RAP1GAP2: variants seen among roughly 807,000 people sequenced by gnomAD.
The protein encoded by RAP1GAP2 is RAP1 GTPase activating protein 2, also known as rap1 GTPase-activating protein 2.
In RAP1GAP2, 27 loss-of-function variants were observed where a neutral mutation model predicts 95.0. The ratio of observed to expected loss-of-function variants is 0.28; its 90% CI spans 0.21 to 0.39. The LOEUF is 0.39. Among genes scored for constraint, RAP1GAP2 ranks in the 10% least tolerant of loss-of-function variants. The pLI is 1.00. For synonymous variants in RAP1GAP2, 373 were observed against 380.9 expected (o/e 0.98, Z 0.24); for missense variants, 771 against 970.0 (o/e 0.79, Z 2.72).
At chr17:2,953,601 C>G (rs1016949214) in intron 3 of RAP1GAP2, among the ~76,000 whole-genome samples, 2 of 152,202 alleles carry the variant, frequency 1.3e-5, no homozygotes, top group African/African-American at 4.8e-5. Context: ...CATCCCAGCA[C>G]TTCGGGAGGC....
chr17:2,869,285 G>A (rs570078553), intron 2 of RAP1GAP2, among the ~76,000 whole-genome samples: 1 of 152,128 alleles, frequency 6.6e-6, no homozygotes, highest in African/African-American at 2.4e-5. Flanking sequence ...GTAGAATAGA[G>A]GTTGCCAGGT....
chr17:2,787,254 G>GTTTTTTTT (rs1186389658), intron 1 of RAP1GAP2, among the ~76,000 whole-genome samples: 1 of 134,288 alleles, frequency 7.4e-6, no homozygotes, highest in Admixed American at 7.4e-5. Flanking sequence ...CCCAGCTTTG[G>GTTTTTTTT]TTTTTTTTTT....
intron 2 of RAP1GAP2, among the ~76,000 whole-genome samples, chr17:2,877,842 C>T (rs1301446653): frequency 3.3e-5 from 5 of 152,114 alleles, no homozygotes; most frequent in Admixed American, 1.3e-4. Context: ...ATAGGGGGCT[C>T]ATATGATCAG....
rs1015591389 is a variant in RAP1GAP2, at chr17:3,001,579, G to C, written c.1200+3203G>C. Among the ~76,000 whole-genome samples the C allele has an allele frequency of 4.2e-5, 6 of 143,292 alleles. 1 individual carries two copies. Among genetic ancestry groups the C allele is most frequent in the African/African-American group, 1.7e-4 (6 of 35,900 alleles). 94.0% of individuals were successfully genotyped at this position (143,292 alleles called of 152,430 possible). A position where few individuals can be genotyped will look rare whatever the true frequency, so the allele number is the denominator to read the frequency against. On this transcript the variant is annotated intron_variant, in intron 14 of 24. Transcript: ENST00000254695. Reference sequence around the variant, plus strand: ...CAAGCACCAGGCTGAAGTGAGGCTCGTGGAGGTAACAAGATCAGCCTCAGG... The same window carrying C: ...CAAGCACCAGGCTGAAGTGAGGCTCCTGGAGGTAACAAGATCAGCCTCAGG...
At position 2,858,497 on chromosome 17, in the gene RAP1GAP2, G is replaced by A. The variant is rs1399982321; in HGVS notation, c.81-46787G>A. On this transcript the variant is annotated intron_variant, in intron 2 of 24. Transcript: ENST00000254695. ...CTACTTTCAGCCATTATCAACTTAC[G>A]GCCCCAATCTTGTTTCATTTATGTA... Among the ~76,000 whole-genome samples the A allele has an allele frequency of 3.3e-5, 5 of 152,004 alleles. No homozygotes were observed. In the East Asian group the frequency reaches 7.7e-4, roughly 23 times the overall value.
rs866072683 is a variant in RAP1GAP2 at position 2,932,604 on chromosome 17, A to G, written c.166-25155A>G. Reference sequence around the variant, plus strand: ...CATCTCAAAAAAAAAAAAAAAAAAAAGAGGAGCTCGAGACCAGCCTGACCA... The same window carrying G: ...CATCTCAAAAAAAAAAAAAAAAAAAGGAGGAGCTCGAGACCAGCCTGACCA... On this transcript the variant is annotated intron_variant, in intron 3 of 24. Transcript: ENST00000254695. Among the ~76,000 whole-genome samples, 149 of 148,438 alleles carry G rather than the reference A, an allele frequency of 1.0e-3. 1 individual carries two copies. Among genetic ancestry groups the G allele is most frequent in the African/African-American group, 3.6e-3 (146 of 40,410 alleles).
upstream of RAP1GAP2, among the ~76,000 whole-genome samples, chr17:2,794,739 C>T (rs2069020976): frequency 6.6e-6 from 1 of 152,198 alleles, no homozygotes; most frequent in Non-Finnish European, 1.5e-5. Flanking sequence ...CGTCCACAAG[C>T]TGGGGTTGGC....
chr17:2,989,104 T>C (rs2045663320), intron 11 of RAP1GAP2, among the ~76,000 whole-genome samples: 2 of 149,912 alleles, frequency 1.3e-5, no homozygotes, highest in Non-Finnish European at 1.5e-5. Flanking sequence ...AAAAAAAAAC[T>C]GCCAAACAGT....
intron 1 of RAP1GAP2, among the ~76,000 whole-genome samples, chr17:2,788,293 G>T (rs903754242): frequency 2.6e-5 from 4 of 151,838 alleles, no homozygotes; most frequent in South Asian, 2.1e-4. Flanking sequence ...ATTTTGTGGG[G>T]TTTTTTTGTT....
intron 2 of RAP1GAP2, among the ~76,000 whole-genome samples, chr17:2,893,501 T>C (rs2073786066): frequency 6.6e-6 from 1 of 152,250 alleles, no homozygotes; most frequent in Non-Finnish European, 1.5e-5. Flanking sequence ...TGAAACATGA[T>C]TTTTTATTGT....
chr17:2,883,207 G>A (rs1362522430), intron 2 of RAP1GAP2, among the ~76,000 whole-genome samples: 2 of 152,228 alleles, frequency 1.3e-5, no homozygotes, highest in Non-Finnish European at 2.9e-5. Flanking sequence ...TGGGAGGGGC[G>A]CATTTGAGGG....
chr17:3,005,829 G>T lies in RAP1GAP2; in HGVS notation c.1273-126G>T. ...GCTTGGCCTGGGCTAGAAATGATCC[G>T]CTGTCGGAAGGGACTTTTCAGGGGT... is the stretch of plus-strand genomic sequence containing the variant. On this transcript the variant is annotated intron_variant, in intron 15 of 24. Transcript: ENST00000254695. The surrounding 1 kb of genome is among the most constrained non-coding windows in gnomAD (Gnocchi z 5.2). 1.1e-6 allele frequency: 1 copy of T among 884,176 alleles called. No individual in the cohort carries two copies. The highest frequency in any genetic ancestry group is 1.9e-6 in the Non-Finnish European group (1 of 534,770). 54.8% of individuals were successfully genotyped at this position (884,176 alleles called of 1,614,324 possible). A position where few individuals can be genotyped will look rare whatever the true frequency, so the allele number is the denominator to read the frequency against.
intron 23 of RAP1GAP2, 51 bp downstream of exon 23, chr17:3,031,049 C>G: frequency 6.7e-7 from 1 of 1,501,556 alleles, no homozygotes; most frequent in Non-Finnish European, 9.1e-7. Flanking sequence ...AGAGGCCCAG[C>G]CTTCCTTCCT....
At position 2,836,000 on chromosome 17, in the gene RAP1GAP2, CCACTGGCGGGGTGTGTTGGTGCATCTGG is replaced by C. The variant is rs1445393556; in HGVS notation, c.80+35479_80+35506del. ...CTGTGCGCAGACCGCCCCCAGCCAG[CCACTGGCGGGGTGTGTTGGTGCATCTGG>C]CACTGGCGGGGTGTGTTGGTGCATC... On this transcript the variant is annotated intron_variant, in intron 2 of 24. Coordinates refer to ENST00000254695, the MANE Select transcript of RAP1GAP2 (RefSeq NM_015085.5). 1.3e-3 allele frequency among the ~76,000 whole-genome samples: 202 copies of C among 152,224 alleles called. 2 individuals are homozygous for C. The highest frequency in any genetic ancestry group is 4.4e-3 in the African/African-American group (183 of 41,544).
intron 14 of RAP1GAP2, among the ~76,000 whole-genome samples, 183 bp downstream of exon 14, chr17:2,998,559 C>A (rs531352506): frequency 1.3e-5 from 2 of 152,246 alleles, no homozygotes; most frequent in Non-Finnish European, 2.9e-5. Flanking sequence ...ATCCCCCTTG[C>A]TGCCTCCGGG....
rs1332026454 is a variant in RAP1GAP2, at chr17:2,832,324, C to G, written c.80+31774C>G. Among the ~76,000 whole-genome samples the G allele has an allele frequency of 2.6e-5, 4 of 151,470 alleles. No individual in the cohort carries two copies. In the East Asian group the frequency reaches 7.8e-4, roughly 30 times the overall value. ...CTGTAATCCCAGCACTTTGGGAGGC[C>G]AAGGTGGGTGGATCACGAGGTCAGG... On this transcript the variant is annotated intron_variant, in intron 2 of 24. Transcript: ENST00000254695.
chr17:2,866,853 G>A lies in RAP1GAP2; in HGVS notation c.81-38431G>A, dbSNP rs763407270. ...GGCCTCAAGCGATCTGCCTGTCTTG[G>A]CCTCCCAAAGTGCTGGGATTACAGG... On this transcript the variant is annotated intron_variant, in intron 2 of 24. Transcript: ENST00000254695. The surrounding 1 kb of genome is among the most constrained non-coding windows in gnomAD (Gnocchi z 4.0). Among the ~76,000 whole-genome samples, 3 of 150,872 alleles carry A rather than the reference G, an allele frequency of 2.0e-5. No individual in the cohort carries two copies. The highest frequency in any genetic ancestry group is 4.4e-5 in the Non-Finnish European group (3 of 67,872).
At chr17:2,836,956 G>A (rs182923959) in intron 2 of RAP1GAP2, among the ~76,000 whole-genome samples, 5 of 152,194 alleles carry the variant, frequency 3.3e-5, no homozygotes, top group African/African-American at 1.2e-4. Context: ...GGTGAATAGA[G>A]TACATGAATT....
At chr17:2,853,487 T>G (rs2071974439) in intron 2 of RAP1GAP2, among the ~76,000 whole-genome samples, 1 of 140,696 alleles carries the variant, frequency 7.1e-6, no homozygotes, top group African/African-American at 2.7e-5. Flanking sequence ...CCGGCGGGAG[T>G]GCGGGCGGGG....
Sources: gnomAD v4.1 joint callset for allele counts (sites outside exome capture counted in the v4.1 genomes callset) on GRCh38, gnomAD v4.1.1 for gene constraint, Gnocchi (gnomAD v3.1) non-coding constraint, MANE v1.5 for transcripts, NCBI Gene and HGNC (gene_info 2026-07-23, HGNC 2026-07-21) for gene names.